Variants in RBFOX1 observed in about 807,000 individuals in gnomAD.
RBFOX1 encodes the protein RNA binding protein fox-1 homolog 1.
A neutral mutation model predicts 57.7 loss-of-function variants in RBFOX1; 8 were observed. The observed-to-expected ratio is 0.14, with a 90% CI of 0.08 to 0.25. RBFOX1 has a LOEUF of 0.25. Among genes scored for constraint, RBFOX1 ranks in the 10% least tolerant of loss-of-function variants. RBFOX1 has a pLI of 1.00. For synonymous variants in RBFOX1, 326 were observed against 222.4 expected (o/e 1.47, Z -4.15); for missense variants, 611 against 548.5 (o/e 1.11, Z -1.14).
At chr16:7,344,446 CAT>C (rs938834342) in intron 4 of RBFOX1, among the ~76,000 whole-genome samples, 4 of 149,510 alleles carry the variant, frequency 2.7e-5, no homozygotes, top group Admixed American at 2.0e-4. Flanking sequence ...TTATGTAACA[CAT>C]AGTTATAAAT....
chr16:7,362,083 TA>T (rs1323505571), intron 4 of RBFOX1, among the ~76,000 whole-genome samples: 3 of 150,054 alleles, frequency 2.0e-5, no homozygotes, highest in Admixed American at 6.6e-5. Flanking sequence ...TTTTTGGTGT[TA>T]GTTTGCATAT....
intron 3 of RBFOX1, among the ~76,000 whole-genome samples, chr16:5,773,549 C>A (rs953885937): frequency 1.3e-5 from 2 of 152,140 alleles, no homozygotes; most frequent in African/African-American, 2.4e-5. Flanking sequence ...TATTGATGGA[C>A]ATTTAGGATG....
chr16:7,233,190 C>T (rs1235819890), intron 4 of RBFOX1, among the ~76,000 whole-genome samples: 1 of 151,206 alleles, frequency 6.6e-6, no homozygotes, highest in Non-Finnish European at 1.5e-5. Context: ...AAGTCTGGCT[C>T]CTGCCAACCT....
chr16:5,588,541 C>T (rs77035826), intron 2 of RBFOX1, among the ~76,000 whole-genome samples: 6,416 of 152,158 alleles, frequency 0.042, 439 homozygotes, highest in African/African-American at 0.14. Context: ...TCTTCAGTGG[C>T]ATCAGTGTTG....
chr16:7,375,346 A>T (rs1230593039), intron 4 of RBFOX1, among the ~76,000 whole-genome samples: 1 of 152,200 alleles, frequency 6.6e-6, no homozygotes, highest in African/African-American at 2.4e-5. Flanking sequence ...TGCTTCTGAT[A>T]ATTATAGCAG....
At chr16:7,461,856 G>C (rs957092466) in intron 4 of RBFOX1, among the ~76,000 whole-genome samples, 6 of 152,104 alleles carry the variant, frequency 3.9e-5, no homozygotes, top group Non-Finnish European at 5.9e-5. Flanking sequence ...CAGGCATTTT[G>C]CAGTGACTGT....
rs1254993357 is a variant in RBFOX1, at chr16:7,086,730, A to ACACACACACAGACACACACACG, written c.27+34642_27+34643insGACACACACACGCACACACACA. On this transcript the variant is annotated intron_variant, in intron 4 of 15. Transcript: ENST00000550418. ...GGGAGGGAAGAATGTATACACACAC[A>ACACACACACAGACACACACACG]CACACACACACTTTAAAATTTGGTC... Among the ~76,000 whole-genome samples the ACACACACACAGACACACACACG allele has an allele frequency of 2.1e-4, 32 of 152,056 alleles. 1 individual carries two copies. The highest frequency in any genetic ancestry group is 1.6e-3 in the Admixed American group (25 of 15,246).
intron 3 of RBFOX1, among the ~76,000 whole-genome samples, chr16:6,751,394 C>A (rs1256816296): frequency 6.6e-6 from 1 of 152,060 alleles, no homozygotes; most frequent in African/African-American, 2.4e-5. Flanking sequence ...GAGGAACTAG[C>A]TAGGAAGTTC....
rs373929298 is a variant in RBFOX1, at chr16:7,516,360, G to T, written c.28-1787G>T. On this transcript the variant is annotated intron_variant, in intron 4 of 15. Coordinates refer to ENST00000550418, the MANE Select transcript of RBFOX1 (RefSeq NM_018723.4). ...TCAGTGGGACCATCTGATTGGCCAG[G>T]CTGATGTCCTATGGCTCATCTCGTA... Among the ~76,000 whole-genome samples the T allele has an allele frequency of 6.4e-4, 97 of 152,192 alleles. 2 individuals are homozygous for T. The South Asian group carries it at 0.019, about 30-fold the overall frequency.
chr16:7,542,642 G>C (rs1283830733), intron 5 of RBFOX1, among the ~76,000 whole-genome samples: 1 of 142,672 alleles, frequency 7.0e-6, no homozygotes, highest in Non-Finnish European at 1.5e-5. Context: ...ATCACTTGAA[G>C]CCAGGAGTTT....
intron 2 of RBFOX1, among the ~76,000 whole-genome samples, chr16:5,532,789 G>C (rs886868284): frequency 1.3e-5 from 2 of 152,146 alleles, no homozygotes; most frequent in African/African-American, 2.4e-5. Flanking sequence ...GGTGAATTGG[G>C]GTGGTGGGTT....
intron 3 of RBFOX1, among the ~76,000 whole-genome samples, chr16:5,778,733 A>C (rs1476577530): frequency 6.6e-6 from 1 of 152,094 alleles, no homozygotes; most frequent in Admixed American, 6.5e-5. Context: ...GGTGAATAGG[A>C]GGTGACCAGA....
chr16:7,665,113 C>T (rs2068843065), intron 13 of RBFOX1, 145 bp downstream of exon 13: 7 of 1,508,980 alleles, frequency 4.6e-6, no homozygotes, highest in South Asian at 1.2e-5. Context: ...TCTTGCAGGA[C>T]AGAAAGCCTT....
At chr16:6,269,452 T>A (rs2074944406) in intron 1 of RBFOX1, among the ~76,000 whole-genome samples, 1 of 152,172 alleles carries the variant, frequency 6.6e-6, no homozygotes, top group Non-Finnish European at 1.5e-5. Context: ...GTCAAACTTC[T>A]GAAAAGTCAA....
intron 4 of RBFOX1, among the ~76,000 whole-genome samples, chr16:5,883,046 A>G (rs916677235): frequency 1.3e-5 from 2 of 152,216 alleles, no homozygotes; most frequent in African/African-American, 4.8e-5. Flanking sequence ...TCTCCTGCTC[A>G]AAGCCTGTAC....
chr16:6,150,302 C>T (rs995700003), intron 1 of RBFOX1, among the ~76,000 whole-genome samples: 1 of 152,058 alleles, frequency 6.6e-6, no homozygotes, highest in African/African-American at 2.4e-5. Flanking sequence ...ATGACTTTTA[C>T]CCAGAGTGAG....
chr16:6,270,453 T>A (rs2075070263), intron 1 of RBFOX1, among the ~76,000 whole-genome samples: 2 of 127,584 alleles, frequency 1.6e-5, no homozygotes, highest in Non-Finnish European at 1.6e-5. Flanking sequence ...TAAAGTAGAT[T>A]TAAGAGCAAA....
intron 2 of RBFOX1, among the ~76,000 whole-genome samples, chr16:6,456,993 T>C (rs774915183): frequency 6.6e-6 from 1 of 152,158 alleles, no homozygotes; most frequent in Admixed American, 6.5e-5. Flanking sequence ...AGATGTTAAG[T>C]AGGCAGCTGA....
chr16:7,251,271 G>C (rs2094490558), intron 4 of RBFOX1, among the ~76,000 whole-genome samples: 1 of 151,838 alleles, frequency 6.6e-6, no homozygotes, highest in Non-Finnish European at 1.5e-5. Context: ...CGCAGTATTT[G>C]TTCTTCTGTG....
Sources: gnomAD v4.1 joint callset for allele counts (sites outside exome capture counted in the v4.1 genomes callset) on GRCh38, gnomAD v4.1.1 for gene constraint, MANE v1.5 for transcripts, NCBI Gene and HGNC (gene_info 2026-07-23, HGNC 2026-07-21) for gene names.